The following ARHGAP11B variants were observed in gnomAD, a reference collection of about 807,000 sequenced individuals.
The protein encoded by ARHGAP11B is Rho GTPase activating protein 11B.
A neutral mutation model predicts 27.6 loss-of-function variants in ARHGAP11B; 14 were observed. The ratio of observed to expected loss-of-function variants is 0.51; its 90% CI spans 0.34 to 0.79. The LOEUF (loss-of-function observed/expected upper bound fraction) is 0.79. Ranked by LOEUF, ARHGAP11B falls within the 30% of genes least tolerant of loss-of-function variation. The pLI is 0.02. For synonymous variants in ARHGAP11B, 82 were observed against 114.1 expected (o/e 0.72, Z 1.80); for missense variants, 245 against 320.1 (o/e 0.77, Z 1.79).
rs1324087851 is a variant in ARHGAP11B, at chr15:30,626,797, C to T, written c.-24C>T. The T allele has an allele frequency of 1.9e-6, 3 of 1,612,590 alleles. No homozygotes were observed. In the Admixed American group the frequency reaches 5.0e-5, roughly 27 times the overall value. On this transcript the variant is annotated 5_prime_UTR_variant, in exon 1 of 11. Transcript: ENST00000428041. ...ACGAGGGTCAGGACCTGCATCCTGCCTCAGAGTTATCGACGTATCCGGAAT... is the reference window on the plus strand; with the variant it reads ...ACGAGGGTCAGGACCTGCATCCTGCTTCAGAGTTATCGACGTATCCGGAAT...
At chr15:30,627,896 T>C (rs1038355393) in intron 1 of ARHGAP11B, among the ~76,000 whole-genome samples, 5 of 151,950 alleles carry the variant, frequency 3.3e-5, no homozygotes, top group African/African-American at 1.2e-4. Flanking sequence ...GCTGATAAAC[T>C]TTGGAGAAGT....
intron 9 of ARHGAP11B, among the ~76,000 whole-genome samples, chr15:30,647,106 C>T (rs1258017370): frequency 6.6e-6 from 1 of 151,948 alleles, no homozygotes; most frequent in African/African-American, 2.4e-5. Context: ...AAGGTTTCTG[C>T]TGTGACATTG....
Position 30,635,473 on chromosome 15 carries a change from A to C in ARHGAP11B, c.661-14A>C. 6.2e-7 allele frequency: 1 copy of C among 1,611,388 alleles called. No homozygotes were observed. The highest frequency in any genetic ancestry group is 1.7e-5 in the Admixed American group (1 of 59,354). The stretch of plus-strand genomic sequence containing the variant: ...AGGATAATAATTGTCTTACTTGTGA[A>C]CATTTTCATTTAGGGCGTGTACCAG... On this transcript the variant is annotated splice_polypyrimidine_tract_variant and intron_variant, in intron 5 of 10. Transcript: ENST00000428041.
exon 11 of ARHGAP11B, among the ~76,000 whole-genome samples, chr15:30,648,642 G>T (rs556803993): frequency 1.3e-5 from 2 of 152,064 alleles, no homozygotes; most frequent in African/African-American, 2.4e-5. Flanking sequence ...ATTCTTAGTG[G>T]GTATTTCACT....
exon 1 of ARHGAP11B, chr15:30,626,389 G>A (rs773874784): frequency 2.5e-5 from 4 of 159,918 alleles, no homozygotes; most frequent in Non-Finnish European, 5.5e-5. Context: ...GGGGCTGGAG[G>A]AGCGAGAAGG....
intron 6 of ARHGAP11B, among the ~76,000 whole-genome samples, chr15:30,637,603 G>A (rs1426131774): frequency 5.3e-5 from 8 of 151,812 alleles, no homozygotes; most frequent in Non-Finnish European, 8.8e-5. Flanking sequence ...GCGTGGTGGC[G>A]GGCGCCTGTA....
rs901017685 is a variant in ARHGAP11B, at chr15:30,630,920, T to C, written c.200+147T>C. 5.7e-6 allele frequency: 8 copies of C among 1,397,290 alleles called. No homozygotes were observed. The East Asian group carries it at 9.7e-5, about 17-fold the overall frequency. The allele number at this position is 1,397,290 out of a possible 1,614,324, so 86.6% of individuals were successfully genotyped here. A position where few individuals can be genotyped will look rare whatever the true frequency, so the allele number is the denominator to read the frequency against. On this transcript the variant is annotated intron_variant, in intron 2 of 10. Transcript: ENST00000428041. ...CATGGTGAGACCTTGTCGCAAAAGATAGAAAAATTAGCTTGGCGGAGCACA... is the reference window on the plus strand; with the variant it reads ...CATGGTGAGACCTTGTCGCAAAAGACAGAAAAATTAGCTTGGCGGAGCACA...
At chr15:30,641,424 C>T (rs920376651) in intron 7 of ARHGAP11B, 1 of 151,434 alleles carries the variant, frequency 6.6e-6, no homozygotes, top group Admixed American at 6.6e-5. Flanking sequence ...CAGCCACCAC[C>T]TCTCAGGTTC....
intron 6 of ARHGAP11B, among the ~76,000 whole-genome samples, chr15:30,636,863 T>C (rs903017111): frequency 6.6e-6 from 1 of 152,040 alleles, no homozygotes; most frequent in South Asian, 2.1e-4. Context: ...AACTTCCCTC[T>C]TACAGGGCAC....
At chr15:30,629,187 G>T (rs928382429) in intron 1 of ARHGAP11B, among the ~76,000 whole-genome samples, 3 of 151,914 alleles carry the variant, frequency 2.0e-5, no homozygotes, top group Non-Finnish European at 4.4e-5. Flanking sequence ...TGAGGATACC[G>T]AGGAACAGAA....
At chr15:30,635,534 A>G (rs879196590) in exon 6 of ARHGAP11B, 12 of 1,613,506 alleles carry the variant, frequency 7.4e-6, no homozygotes, top group Non-Finnish European at 1.0e-5. Context: ...CATGTTGGGT[A>G]TTGATGGTCT....
In ARHGAP11B at chr15:30,626,998, T is replaced by A. The variant is rs2060213290; in HGVS notation, c.129+49T>A. The stretch of plus-strand genomic sequence containing the variant: ...AGGTTTAAAAGAAAGGGCACACCCT[T>A]TATCATCACTTATTAGCAGATCGTG... On this transcript the variant is annotated intron_variant, in intron 1 of 10. Transcript: ENST00000428041. 11 of 1,608,922 alleles carry A rather than the reference T, an allele frequency of 6.8e-6. 1 individual carries two copies. In the East Asian group the frequency reaches 2.5e-4, roughly 36 times the overall value.
intron 7 of ARHGAP11B, among the ~76,000 whole-genome samples, chr15:30,639,768 T>C (rs571557044): frequency 6.6e-6 from 1 of 152,146 alleles, no homozygotes. Context: ...ATCTCTTCAA[T>C]AGCAGTTCTA....
At chr15:30,633,265 AATTTAGTGTGCAT>A (rs2060256861) in intron 2 of ARHGAP11B, among the ~76,000 whole-genome samples, 1 of 151,872 alleles carries the variant, frequency 6.6e-6, no homozygotes, top group South Asian at 2.1e-4. Flanking sequence ...AGAAAGATAA[AATTTAGTGTGCAT>A]ATTGGAGTTG....
chr15:30,632,757 G>C (rs1344968752), intron 2 of ARHGAP11B, among the ~76,000 whole-genome samples: 1 of 151,632 alleles, frequency 6.6e-6, no homozygotes, highest in Admixed American at 6.6e-5. Context: ...TGTAAGGACT[G>C]GGATATATCC....
chr15:30,627,894 A>C (rs2060220234), intron 1 of ARHGAP11B, among the ~76,000 whole-genome samples: 1 of 151,948 alleles, frequency 6.6e-6, no homozygotes, highest in Non-Finnish European at 1.5e-5. Context: ...TCGCTGATAA[A>C]CTTTGGAGAA....
chr15:30,646,053 T>C (rs2060345704), intron 8 of ARHGAP11B: 3 of 378,800 alleles, frequency 7.9e-6, no homozygotes, highest in South Asian at 1.5e-4. Context: ...GTTTCTCATG[T>C]AATGTTTCCA....
At chr15:30,628,346 G>T (rs181606240) in intron 1 of ARHGAP11B, among the ~76,000 whole-genome samples, 5 of 152,078 alleles carry the variant, frequency 3.3e-5, no homozygotes, top group African/African-American at 1.2e-4. Context: ...CTCCCAAAGT[G>T]GTGGGATTGC....
At chr15:30,630,564 T>C in intron 1 of ARHGAP11B, 139 bp from the exon 2 acceptor site, 2 of 1,471,526 alleles carry the variant, frequency 1.4e-6, no homozygotes, top group Non-Finnish European at 1.8e-6. Flanking sequence ...CTTGAAATGA[T>C]TATTTTTGTC....
Sources: gnomAD v4.1 joint callset for allele counts (sites outside exome capture counted in the v4.1 genomes callset) on GRCh38, gnomAD v4.1.1 for gene constraint, MANE v1.5 for transcripts, NCBI Gene and HGNC (gene_info 2026-07-23, HGNC 2026-07-21) for gene names.